CNPY4: variants seen among roughly 807,000 people sequenced by gnomAD.
CNPY4 encodes protein canopy homolog 4.
In CNPY4, 33 loss-of-function variants were observed where a neutral mutation model predicts 30.1. That is an observed-to-expected ratio of 1.10 (90% CI 0.83 to 1.46). CNPY4 has a LOEUF of 1.46. Ranked by LOEUF, CNPY4 falls within the 40% of genes most tolerant of loss-of-function variation. CNPY4 has a pLI of 0.00. For missense variants in CNPY4, 324 were observed against 302.6 expected, an observed-to-expected ratio of 1.07 and a Z score of -0.52; for synonymous variants, 109 against 110.1, an observed-to-expected ratio of 0.99 and a Z score of 0.06.
At position 100,122,336 on chromosome 7, in the gene CNPY4, C is replaced by T; in HGVS notation, c.196C>T (p.Gln66Ter). Residue 66 changes from glutamine (Q) to a stop codon, truncating the protein, a stop_gained, in exon 2 of 6, where the codon CAG (glutamine) becomes TAG (stop). Coordinates refer to ENST00000262932, the MANE Select transcript of CNPY4 (RefSeq NM_152755.2). LOFTEE classifies it high-confidence loss of function. Reference protein sequence around the residue: ...GRSREVLELGQVLDTGKRKRH... With the variant: ...GRSREVLELG Reference sequence around the variant, plus strand: ...ATCTCGAGAGGTGCTGGAGCTGGGGCAGGTGCTGGATACAGGCAAGAGGAA... The same window carrying T: ...ATCTCGAGAGGTGCTGGAGCTGGGGTAGGTGCTGGATACAGGCAAGAGGAA... 6.2e-7 allele frequency: 1 copy of T among 1,614,072 alleles called. No homozygotes were observed. Among genetic ancestry groups the T allele is most frequent in the Non-Finnish European group, 8.5e-7 (1 of 1,180,008 alleles).
At position 100,125,082 on chromosome 7, in the gene CNPY4, G is replaced by T; in HGVS notation, c.*194G>T. The T allele has an allele frequency of 1.7e-6, 1 of 592,514 alleles. No individual in the cohort carries two copies. Among genetic ancestry groups the T allele is most frequent in the South Asian group, 2.4e-5 (1 of 41,004 alleles). The allele number at this position is 592,514 out of a possible 1,614,324, so 36.7% of individuals were successfully genotyped here. Reference sequence around the variant, plus strand: ...ATGGCTTCTGGGGTGGAGGGTGGGGGTGGAGGTCCTGCTCCTAGAGATGAA... The same window carrying T: ...ATGGCTTCTGGGGTGGAGGGTGGGGTTGGAGGTCCTGCTCCTAGAGATGAA... On this transcript the variant is annotated 3_prime_UTR_variant, in exon 6 of 6. Transcript: ENST00000262932.
At chr7:100,123,041 T>A (rs1203731100) in intron 4 of CNPY4, 135 bp downstream of exon 4, 2 of 1,003,904 alleles carry the variant, frequency 2.0e-6, no homozygotes, top group Non-Finnish European at 2.8e-6. Flanking sequence ...GTGCCATTGA[T>A]TAAAGTGGGT....
rs565046260 is a variant in CNPY4, at chr7:100,119,805, G to A, written c.61G>A (p.Ala21Thr). The stretch of plus-strand genomic sequence containing the variant: ...TTTTTTGGCCGTGCACGAGGCTTGG[G>A]CTGGGATGTTGAAGGAGGAGGACGA... ...FLFLAVHEAWAGMLKEEDDDT... is the reference protein window; with the variant it reads ...FLFLAVHEAWTGMLKEEDDDT... The change falls in exon 1 of 6, where the codon GCT becomes ACT. Residue 21 changes from alanine (A) to threonine (T), a missense_variant. Physicochemically the swap from Ala to Thr is moderately conservative, Grantham distance 58 (BLOSUM62 0). Coordinates refer to ENST00000262932, the MANE Select transcript of CNPY4 (RefSeq NM_152755.2). The A allele has an allele frequency of 1.2e-6, 2 of 1,614,100 alleles. No individual in the cohort carries two copies. The highest frequency in any genetic ancestry group is 2.2e-5 in the South Asian group (2 of 91,084).
At position 100,124,593 on chromosome 7, in the gene CNPY4, TTC is replaced by T. The variant is rs1238199791; in HGVS notation, c.549_550del (p.Cys184Ter). ...CATCAGGAGCAGCCCCTACAAAATT[TTC>T]TCTGTGAAGGTCATGTGCTCCCAGC... On this transcript the variant is annotated frameshift_variant, in exon 5 of 6. Transcript: ENST00000262932. LOFTEE classifies it high-confidence loss of function. The T allele has an allele frequency of 1.2e-6, 2 of 1,613,304 alleles. No individual in the cohort carries two copies. The highest frequency in any genetic ancestry group is 1.1e-5 in the South Asian group (1 of 91,014).
At position 100,119,760 on chromosome 7, in the gene CNPY4, T is replaced by C. The variant is rs1797969376; in HGVS notation, c.16T>C (p.Leu6=). MGPVR[L]GILLFLFLAV... ...GCGCTTTGTCATGGGACCTGTGCGGTTGGGAATATTGCTTTTCCTTTTTTT... is the reference window on the plus strand; with the variant it reads ...GCGCTTTGTCATGGGACCTGTGCGGCTGGGAATATTGCTTTTCCTTTTTTT... The change falls in exon 1 of 6, where the codon TTG becomes CTG. Residue 6 remains leucine (L), a synonymous_variant. Coordinates refer to ENST00000262932, the MANE Select transcript of CNPY4 (RefSeq NM_152755.2). The C allele has an allele frequency of 1.9e-6, 3 of 1,614,102 alleles. No homozygotes were observed. Among genetic ancestry groups the C allele is most frequent in the Non-Finnish European group, 2.5e-6 (3 of 1,180,030 alleles).
Position 100,125,014 on chromosome 7 carries a change from C to T in CNPY4, c.*126C>T. The T allele has an allele frequency of 8.7e-7, 1 of 1,144,102 alleles. No homozygotes were observed. 70.9% of individuals were successfully genotyped at this position (1,144,102 alleles called of 1,614,324 possible). ...CTCCACCCAAGCTTGTAGCTGTTCT[C>T]TCCCATCTAACCTCAGGCAAGATCC... On this transcript the variant is annotated 3_prime_UTR_variant, in exon 6 of 6. Transcript: ENST00000262932.
At chr7:100,121,110 A>ATT (rs1798036782) in intron 1 of CNPY4, 37 of 28,364 alleles carry the variant, frequency 1.3e-3, no homozygotes, top group Non-Finnish European at 1.8e-3. Context: ...ATATATATAT[A>ATT]TATATATTTT....
In CNPY4 at chr7:100,119,749, G is replaced by A; in HGVS notation, c.5G>A (p.Gly2Glu). The A allele has an allele frequency of 3.1e-6, 5 of 1,614,246 alleles. No homozygotes were observed. Among genetic ancestry groups the A allele is most frequent in the Non-Finnish European group, 4.2e-6 (5 of 1,180,042 alleles). The part of the protein sequence containing the change: M[G>E]PVRLGILLFL... ...GTTTGTAGACGGCGCTTTGTCATGG[G>A]ACCTGTGCGGTTGGGAATATTGCTT... The change falls in exon 1 of 6, where the codon GGA (glycine) becomes GAA (glutamate). Residue 2 changes from glycine to glutamate, a missense_variant. Gly to Glu is a moderately conservative substitution (Grantham distance 98). Coordinates refer to ENST00000262932, the MANE Select transcript of CNPY4 (RefSeq NM_152755.2).
Position 100,124,983 on chromosome 7 carries a change from G to C in CNPY4, c.*95G>C. On this transcript the variant is annotated 3_prime_UTR_variant, in exon 6 of 6. Transcript: ENST00000262932. Reference sequence around the variant, plus strand: ...TCCACAGCTTTCAGGGTGTGTTTATGAGTGACTCCACCCAAGCTTGTAGCT... The same window carrying C: ...TCCACAGCTTTCAGGGTGTGTTTATCAGTGACTCCACCCAAGCTTGTAGCT... 7.1e-7 allele frequency: 1 copy of C among 1,405,374 alleles called. No individual in the cohort carries two copies. The highest frequency in any genetic ancestry group is 9.6e-7 in the Non-Finnish European group (1 of 1,036,588). The allele number at this position is 1,405,374 out of a possible 1,614,324, so 87.1% of individuals were successfully genotyped here. A position where few individuals can be genotyped will look rare whatever the true frequency, so the allele number is the denominator to read the frequency against.
Position 100,119,774 on chromosome 7 carries a change from T to C in CNPY4, c.30T>C (p.Leu10=), listed in dbSNP as rs1382470163. 2.5e-6 allele frequency: 4 copies of C among 1,614,010 alleles called. No individual in the cohort carries two copies. The African/African-American group carries it at 5.3e-5, about 22-fold the overall frequency. The change falls in exon 1 of 6, where the codon CTT becomes CTC. Residue 10 remains leucine, a synonymous_variant. Coordinates refer to ENST00000262932, the MANE Select transcript of CNPY4 (RefSeq NM_152755.2). The part of the protein sequence containing the change: MGPVRLGIL[L]FLFLAVHEAW... ...GACCTGTGCGGTTGGGAATATTGCT[T>C]TTCCTTTTTTTGGCCGTGCACGAGG...
At chr7:100,122,455 A>G in intron 2 of CNPY4, 26 bp from the exon 3 acceptor site, 1 of 1,613,942 alleles carries the variant, frequency 6.2e-7, no homozygotes, top group Non-Finnish European at 8.5e-7. Context: ...GCATCCAGGG[A>G]ATCTTTGTTT....
Position 100,124,845 on chromosome 7 carries a change from C to G in CNPY4, c.704C>G (p.Thr235Ser). ...EEEEEGGDKM[T>S]KTGSHPKLDR... Reference sequence around the variant, plus strand: ...GAAGAGGAAGGGGGAGACAAGATGACCAAGACAGGAAGCCACCCCAAACTT... The same window carrying G: ...GAAGAGGAAGGGGGAGACAAGATGAGCAAGACAGGAAGCCACCCCAAACTT... Residue 235 changes from threonine (T) to serine (S), a missense_variant, in exon 6 of 6, where the codon ACC (threonine) becomes AGC (serine). Physicochemically the swap from Thr to Ser is moderately conservative, Grantham distance 58 (BLOSUM62 1). Coordinates refer to ENST00000262932, the MANE Select transcript of CNPY4 (RefSeq NM_152755.2). 6.2e-7 allele frequency: 1 copy of G among 1,608,516 alleles called. No individual in the cohort carries two copies. The highest frequency in any genetic ancestry group is 1.1e-5 in the South Asian group (1 of 89,976).
At chr7:100,121,860 C>G (rs1007281856) in intron 1 of CNPY4, among the ~76,000 whole-genome samples, 1 of 150,350 alleles carries the variant, frequency 6.7e-6, no homozygotes, top group Admixed American at 6.6e-5. Context: ...ACCATCCTGG[C>G]TAACACGGTG....
At chr7:100,121,353 G>C (rs1459378653) in intron 1 of CNPY4, 2 of 151,102 alleles carry the variant, frequency 1.3e-5, no homozygotes, top group African/African-American at 4.9e-5. Context: ...TGGCCAGGAT[G>C]GTCTCAATCT....
intron 4 of CNPY4, among the ~76,000 whole-genome samples, chr7:100,123,373 A>G (rs1052527730): frequency 6.6e-6 from 1 of 151,772 alleles, no homozygotes; most frequent in African/African-American, 2.4e-5. Flanking sequence ...AACAAAAAAA[A>G]AGAAATCATA....
rs140295353 is a variant in CNPY4 at position 100,124,723 on chromosome 7, A to G, written c.584-2A>G. The G allele has an allele frequency of 1.2e-6, 2 of 1,613,730 alleles. No homozygotes were observed. Among genetic ancestry groups the G allele is most frequent in the Non-Finnish European group, 1.7e-6 (2 of 1,179,940 alleles). On this transcript the variant is annotated splice_acceptor_variant, in intron 5 of 5. Coordinates refer to ENST00000262932, the MANE Select transcript of CNPY4 (RefSeq NM_152755.2). LOFTEE classifies it high-confidence loss of function. ...TAAATTGTTTTCTGTCATCCGATCT[A>G]GCATGTCTACAGGAAACTTGGACTG...
In CNPY4 at chr7:100,122,368, C is replaced by T. The variant is rs369187074; in HGVS notation, c.228C>T (p.His76=). ...QVLDTGKRKR[H]VPYSVSETRL... is the part of the protein sequence containing the mutation. ...TGGATACAGGCAAGAGGAAGAGACA[C>T]GTGCCTTACAGCGTTTCGTGAGTCC... The change falls in exon 2 of 6, where the codon CAC becomes CAT. Residue 76 remains histidine, a synonymous_variant. Coordinates refer to ENST00000262932, the MANE Select transcript of CNPY4 (RefSeq NM_152755.2). 16 of 1,614,136 alleles carry T rather than the reference C, an allele frequency of 9.9e-6. No homozygotes were observed. The highest frequency in any genetic ancestry group is 3.3e-4 in the Middle Eastern group (2 of 6,062).
At position 100,119,681 on chromosome 7, in the gene CNPY4, G is replaced by A. The variant is rs764940643; in HGVS notation, c.-64G>A. 11 of 1,612,204 alleles carry A rather than the reference G, an allele frequency of 6.8e-6. No homozygotes were observed. The highest frequency in any genetic ancestry group is 2.2e-5 in the East Asian group (1 of 44,700). ...TGCCGCTAGCCGCCTGGGAATTTAA[G>A]GGACCCACACTACCTTCCCGAAGTT... On this transcript the variant is annotated 5_prime_UTR_variant, in exon 1 of 6. Transcript: ENST00000262932.
In CNPY4 at chr7:100,122,560, T is replaced by C; in HGVS notation, c.325T>C (p.Ser109Pro). ...TAGTGTTCACGCTGAGCGCAAGGGC[T>C]CACTGAGATATGCCAAGGTCAGACC... ...DYSVHAERKG[S>P]LRYAKGQSQT... The change falls in exon 3 of 6, where the codon TCA (serine) becomes CCA (proline). Residue 109 changes from serine (S) to proline (P), a missense_variant. By Grantham distance (74) the Ser-to-Pro change is moderately conservative (BLOSUM62 -1). Transcript: ENST00000262932. The C allele has an allele frequency of 6.2e-7, 1 of 1,610,680 alleles. No individual in the cohort carries two copies. Among genetic ancestry groups the C allele is most frequent in the Non-Finnish European group, 8.5e-7 (1 of 1,178,108 alleles).
Sources: gnomAD v4.1 joint callset for allele counts (sites outside exome capture counted in the v4.1 genomes callset) on GRCh38, gnomAD v4.1.1 for gene constraint, MANE v1.5 for transcripts, NCBI Gene and HGNC (gene_info 2026-07-23, HGNC 2026-07-21) for gene names.